The following TERF1 variants were observed in gnomAD, a reference collection of about 807,000 sequenced individuals.
TERF1 encodes telomeric repeat binding factor 1, also known as telomeric repeat-binding factor 1.
TERF1 carries 20 observed loss-of-function variants against 55.1 expected under a neutral mutation model. That is an observed-to-expected ratio of 0.36 (90% CI 0.26 to 0.53). The LOEUF is 0.53. TERF1 is among the 20% of genes least tolerant of loss of function. The pLI, the probability that TERF1 is intolerant of heterozygous loss-of-function variation, is 0.91. For synonymous variants in TERF1, 168 were observed against 181.2 expected (o/e 0.93, Z 0.59); for missense variants, 439 against 535.7 (o/e 0.82, Z 1.78).
intron 8 of TERF1, 119 bp from the exon 9 acceptor site, chr8:73,038,997 A>G: frequency 1.2e-6 from 1 of 827,382 alleles, no homozygotes; most frequent in Non-Finnish European, 1.8e-6. Flanking sequence ...AAAAAGTTAA[A>G]CATGTACTTT....
At chr8:73,030,219 T>G in intron 6 of TERF1, 117 bp from the exon 7 acceptor site, 1 of 646,804 alleles carries the variant, frequency 1.5e-6, no homozygotes, top group Non-Finnish European at 2.6e-6. Flanking sequence ...GTTACCAAGG[T>G]TTCTTTCCAA....
chr8:73,045,929 C>T (rs779949857), intron 9 of TERF1, 32 bp from the exon 10 acceptor site: 28 of 1,429,350 alleles, frequency 2.0e-5, no homozygotes, highest in Non-Finnish European at 2.6e-5. Context: ...ATAATTGTTT[C>T]TGTAAATAAC....
In TERF1 at chr8:73,036,962, AT is replaced by A. The variant is rs556021169; in HGVS notation, c.1040-2145del. On this transcript the variant is annotated intron_variant, in intron 8 of 9. Coordinates refer to ENST00000276603, the MANE Select transcript of TERF1 (RefSeq NM_017489.3). ...TTCAGTCTGTGAATATGCTTCATAG[AT>A]TTTTTTTTAAAGATTTGTTTAATGG... 2.2e-4 allele frequency among the ~76,000 whole-genome samples: 30 copies of A among 139,454 alleles called. No homozygotes were observed. The South Asian group carries it at 5.7e-3, about 26-fold the overall frequency. The allele number at this position is 139,454 out of a possible 152,430, so 91.5% of individuals were successfully genotyped here.
chr8:73,039,109 C>G lies in TERF1; in HGVS notation c.1040-7C>G. 4 of 1,542,984 alleles carry G rather than the reference C, an allele frequency of 2.6e-6. No individual in the cohort carries two copies. The highest frequency in any genetic ancestry group is 3.5e-6 in the Non-Finnish European group (4 of 1,142,784). ...CAATATTTATGACATTATTTTTCTACTTTTAGGTACAAAAAAGAAAAAAGA... is the reference window on the plus strand; with the variant it reads ...CAATATTTATGACATTATTTTTCTAGTTTTAGGTACAAAAAAGAAAAAAGA... On this transcript the variant is annotated splice_region_variant and splice_polypyrimidine_tract_variant and intron_variant, in intron 8 of 9. Coordinates refer to ENST00000276603, the MANE Select transcript of TERF1 (RefSeq NM_017489.3).
At chr8:73,010,033 T>G (rs1003217202) in intron 1 of TERF1, 1 of 152,130 alleles carries the variant, frequency 6.6e-6, no homozygotes, top group Admixed American at 6.6e-5. Flanking sequence ...AGCTGTAAGA[T>G]TACAGGTATG....
chr8:73,037,777 T>C (rs1288004491), intron 8 of TERF1, among the ~76,000 whole-genome samples: 2 of 50,358 alleles, frequency 4.0e-5, no homozygotes, highest in Non-Finnish European at 8.5e-5. Flanking sequence ...ATAATATATA[T>C]ATTATATATA....
intron 7 of TERF1, chr8:73,030,618 A>G: frequency 2.7e-6 from 1 of 374,812 alleles, no homozygotes; most frequent in Admixed American, 4.6e-5. Context: ...CAAAGCCATT[A>G]TTGGAATACA....
Position 73,013,894 on chromosome 8 carries a change from G to A in TERF1, c.320-1G>A. On this transcript the variant is annotated splice_acceptor_variant, in intron 1 of 9. Coordinates refer to ENST00000276603, the MANE Select transcript of TERF1 (RefSeq NM_017489.3). LOFTEE classifies it high-confidence loss of function. The stretch of plus-strand genomic sequence containing the variant: ...TAAAATTTACTTTTTTTCTTTTTTA[G>A]CTATTATTCATGGACTATCCAGTCT... The A allele has an allele frequency of 1.3e-6, 2 of 1,584,884 alleles. No homozygotes were observed. The highest frequency in any genetic ancestry group is 1.7e-6 in the Non-Finnish European group (2 of 1,166,962).
At chr8:73,026,913 C>T in intron 5 of TERF1, 27 bp from the exon 6 acceptor site, 2 of 1,558,252 alleles carry the variant, frequency 1.3e-6, no homozygotes, top group Non-Finnish European at 1.8e-6. Context: ...TCTTCCTATC[C>T]TTCTACCTCC....
chr8:73,039,264 G>C (rs35193358), intron 9 of TERF1, 45 bp downstream of exon 9: 1 of 1,303,152 alleles, frequency 7.7e-7, no homozygotes. Flanking sequence ...GGACATTAAA[G>C]TTATAACTTG....
chr8:73,039,023 A>G, intron 8 of TERF1, 93 bp from the exon 9 acceptor site: 1 of 971,834 alleles, frequency 1.0e-6, no homozygotes, highest in Non-Finnish European at 1.5e-6. Flanking sequence ...AGAATAGCTT[A>G]GAAAAGGAAT....
rs1810085777 is a variant in TERF1 at position 73,047,387 on chromosome 8, A to G, written c.*1250A>G. The G allele has an allele frequency of 1.3e-5, 2 of 152,052 alleles. No homozygotes were observed. The highest frequency in any genetic ancestry group is 2.9e-5 in the Non-Finnish European group (2 of 68,004). 9.4% of individuals were successfully genotyped at this position (152,052 alleles called of 1,614,324 possible). On this transcript the variant is annotated 3_prime_UTR_variant, in exon 10 of 10. Coordinates refer to ENST00000276603, the MANE Select transcript of TERF1 (RefSeq NM_017489.3). ...AGATTCTCTGATACCTTCATTTAAT[A>G]TATCAATATTGGGCCTAAAACAGTA...
At chr8:73,014,568 G>T (rs1175164202) in intron 2 of TERF1, among the ~76,000 whole-genome samples, 1 of 152,200 alleles carries the variant, frequency 6.6e-6, no homozygotes, top group Non-Finnish European at 1.5e-5. Flanking sequence ...GGGCAAGGCT[G>T]ATTCAGTTTA....
rs1181039493 is a variant in TERF1 at position 73,046,757 on chromosome 8, G to C, written c.*620G>C. On this transcript the variant is annotated 3_prime_UTR_variant, in exon 10 of 10. Transcript: ENST00000276603. ...GATCCACCCACCTCGGCCTCCCAAA[G>C]TGCTGAGATTACAGACGTGAGCCAC... 2 of 152,104 alleles carry C rather than the reference G, an allele frequency of 1.3e-5. No homozygotes were observed. The highest frequency in any genetic ancestry group is 2.9e-5 in the Non-Finnish European group (2 of 68,016). 9.4% of individuals were successfully genotyped at this position (152,104 alleles called of 1,614,324 possible).
rs572035624 is a variant in TERF1, at chr8:73,012,578, C to T, written c.320-1317C>T. 9.3e-5 allele frequency: 15 copies of T among 161,710 alleles called. No individual in the cohort carries two copies. In the South Asian group the frequency reaches 2.3e-3, roughly 25 times the overall value. 10.0% of individuals were successfully genotyped at this position (161,710 alleles called of 1,614,324 possible). ...GTCCCAGCTATGCGGGAGGCTGAGG[C>T]AGAAGAATGGCATGAACCTGGGAGG... is the stretch of plus-strand genomic sequence containing the variant. On this transcript the variant is annotated intron_variant, in intron 1 of 9. Transcript: ENST00000276603.
Position 73,009,102 on chromosome 8 carries a change from C to T in TERF1, c.216C>T (p.Ala72=), listed in dbSNP as rs1354962818. The change falls in exon 1 of 10, where the codon GCC becomes GCT. Residue 72 remains alanine, a synonymous_variant. Transcript: ENST00000276603. ...EDAGLVAEAE[A]VAAGWMLDFL... ...CGGGCCTGGTGGCCGAGGCCGAGGC[C>T]GTGGCTGCCGGCTGGATGCTCGATT... The T allele has an allele frequency of 3.1e-6, 5 of 1,609,954 alleles. No individual in the cohort carries two copies. The Middle Eastern group carries it at 7.9e-4, about 253-fold the overall frequency.
At chr8:73,037,167 A>G (rs2129876255) in intron 8 of TERF1, among the ~76,000 whole-genome samples, 1 of 84,746 alleles carries the variant, frequency 1.2e-5, no homozygotes, top group South Asian at 3.4e-4. Context: ...AATAATTTAT[A>G]TTATAATATA....
intron 9 of TERF1, among the ~76,000 whole-genome samples, chr8:73,041,148 C>T (rs919685027): frequency 1.3e-5 from 2 of 152,016 alleles, no homozygotes; most frequent in Admixed American, 1.3e-4. Context: ...TGCTTTTTAG[C>T]ATGTTTATAA....
chr8:73,020,634 A>G, intron 2 of TERF1, 50 bp from the exon 3 acceptor site: 1 of 1,531,192 alleles, frequency 6.5e-7, no homozygotes, highest in Non-Finnish European at 8.8e-7. Flanking sequence ...AAAACTGACA[A>G]AGTTCTACTT....
Sources: gnomAD v4.1 joint callset for allele counts (sites outside exome capture counted in the v4.1 genomes callset) on GRCh38, gnomAD v4.1.1 for gene constraint, MANE v1.5 for transcripts, NCBI Gene and HGNC (gene_info 2026-07-23, HGNC 2026-07-21) for gene names.